The following TRPM3 variants were observed in gnomAD, a reference collection of about 807,000 sequenced individuals.
TRPM3 encodes transient receptor potential cation channel subfamily M member 3, also known as long transient receptor potential channel 3.
In TRPM3, 77 loss-of-function variants were observed where a neutral mutation model predicts 181.2. The ratio of observed to expected loss-of-function variants is 0.42; its 90% confidence interval spans 0.35 to 0.51. The LOEUF (loss-of-function observed/expected upper bound fraction) is 0.51, where lower values mean the gene tolerates loss of function less well. Among genes scored for constraint, TRPM3 ranks in the 20% least tolerant of loss-of-function variants. The pLI, the probability that TRPM3 is intolerant of heterozygous loss-of-function variation, is 0.01. For missense variants in TRPM3, 1,759 were observed against 2,196.7 expected (o/e 0.80, Z 3.98); for synonymous variants, 745 against 796.4 (o/e 0.94, Z 1.09).
chr9:71,079,942 G>A (rs547233587), intron 1 of TRPM3, among the ~76,000 whole-genome samples: 56 of 152,206 alleles, frequency 3.7e-4, no homozygotes, highest in African/African-American at 1.1e-3. Context: ...AGGCCAAGGC[G>A]GGCAGATCAC....
intron 1 of TRPM3, among the ~76,000 whole-genome samples, chr9:71,400,778 T>C (rs986269936): frequency 8.6e-5 from 13 of 151,306 alleles, no homozygotes; most frequent in Non-Finnish European, 1.9e-4. Context: ...TGGCAATGTA[T>C]TTTACTAGTT....
intron 1 of TRPM3, among the ~76,000 whole-genome samples, chr9:71,010,410 C>T (rs2097723564): frequency 6.6e-6 from 1 of 151,730 alleles, no homozygotes; most frequent in African/African-American, 2.4e-5. Flanking sequence ...AAAAACAAAA[C>T]AACAACAACA....
chr9:70,926,261 G>C (rs2096720537), intron 1 of TRPM3, among the ~76,000 whole-genome samples: 1 of 152,060 alleles, frequency 6.6e-6, no homozygotes, highest in African/African-American at 2.4e-5. Flanking sequence ...TCAGAGCAAA[G>C]TGTCCCCCAA....
intron 9 of TRPM3, among the ~76,000 whole-genome samples, chr9:70,658,388 C>T (rs2060657604): frequency 6.6e-6 from 1 of 151,880 alleles, no homozygotes; most frequent in Non-Finnish European, 1.5e-5. Context: ...TATTAGGTTC[C>T]CTAAAGTCCA....
intron 22 of TRPM3, among the ~76,000 whole-genome samples, chr9:70,562,692 A>G (rs566824326): frequency 9.2e-5 from 14 of 151,852 alleles, no homozygotes; most frequent in African/African-American, 3.4e-4. Context: ...ACTTGGTTCC[A>G]TGTTCTTCCT....
intron 1 of TRPM3, among the ~76,000 whole-genome samples, chr9:71,298,519 C>T (rs1442668107): frequency 6.6e-6 from 1 of 151,466 alleles, no homozygotes; most frequent in East Asian, 1.9e-4. Context: ...TGGTTTTATA[C>T]ATTTGTTCAG....
chr9:70,992,461 G>A (rs931977140), intron 1 of TRPM3, among the ~76,000 whole-genome samples: 1 of 152,126 alleles, frequency 6.6e-6, no homozygotes, highest in Non-Finnish European at 1.5e-5. Flanking sequence ...CTATGTGCTG[G>A]GTACTGTCTG....
Position 70,814,933 on chromosome 9 carries a change from G to A in TRPM3, c.973+12914C>T, listed in dbSNP as rs768430756. On this transcript the variant is annotated intron_variant, in intron 6 of 25. Transcript: ENST00000677713. ...TTCCTTTCCTTTTCTTTCTTTTTTC[G>A]TTATAAAAGCAATATTTTCTCATTG... 5.9e-4 allele frequency among the ~76,000 whole-genome samples: 65 copies of A among 110,608 alleles called. 1 individual carries two copies. Among genetic ancestry groups the A allele is most frequent in the Admixed American group, 4.4e-4 (4 of 9,084 alleles). The allele number at this position is 110,608 out of a possible 152,430, so 72.6% of individuals were successfully genotyped here.
chr9:71,199,783 C>T (rs2078656689), intron 1 of TRPM3, among the ~76,000 whole-genome samples: 1 of 151,118 alleles, frequency 6.6e-6, no homozygotes, highest in Admixed American at 6.6e-5. Context: ...ATTAGTCTTG[C>T]TAGCAGTCTA....
chr9:70,979,546 AC>A (rs2097342070), intron 1 of TRPM3, among the ~76,000 whole-genome samples: 1 of 152,172 alleles, frequency 6.6e-6, no homozygotes. Flanking sequence ...TACTTGCCAT[AC>A]ATAAATACTG....
At chr9:70,885,168 C>T (rs919301344) in intron 1 of TRPM3, among the ~76,000 whole-genome samples, 1 of 152,144 alleles carries the variant, frequency 6.6e-6, no homozygotes, top group Non-Finnish European at 1.5e-5. Context: ...CTTGACGGTG[C>T]CATAAGAAGT....
chr9:71,022,844 A>T (rs1249905638), intron 1 of TRPM3, among the ~76,000 whole-genome samples: 1 of 152,132 alleles, frequency 6.6e-6, no homozygotes, highest in East Asian at 1.9e-4. Flanking sequence ...ATAAAAAAAT[A>T]AATAAAATAA....
At chr9:71,176,509 AG>A (rs983296074) in intron 1 of TRPM3, among the ~76,000 whole-genome samples, 10 of 152,222 alleles carry the variant, frequency 6.6e-5, no homozygotes, top group African/African-American at 2.2e-4. Context: ...AGAGTCAGGA[AG>A]TCAAACAATT....
chr9:70,819,690 A>AAAT (rs2093003767), intron 6 of TRPM3, among the ~76,000 whole-genome samples: 1 of 152,212 alleles, frequency 6.6e-6, no homozygotes, highest in Non-Finnish European at 1.5e-5. Flanking sequence ...TGCCATGGGG[A>AAAT]AATAATCCCT....
intron 8 of TRPM3, among the ~76,000 whole-genome samples, chr9:70,688,263 C>G (rs756213146): frequency 5.3e-5 from 8 of 151,016 alleles, no homozygotes; most frequent in Non-Finnish European, 1.0e-4. Context: ...GCAGGGCATT[C>G]AAAGACTGCT....
At chr9:70,563,925 C>T (rs563048700) in intron 22 of TRPM3, among the ~76,000 whole-genome samples, 2 of 152,294 alleles carry the variant, frequency 1.3e-5, no homozygotes, top group Admixed American at 6.5e-5. Flanking sequence ...GTGGTTTTCT[C>T]TTAGGCACTT....
rs139328133 is a variant in TRPM3, at chr9:70,647,411, C to G, written c.1346-6751G>C. 1.1e-3 allele frequency among the ~76,000 whole-genome samples: 169 copies of G among 152,268 alleles called. 2 individuals carry two copies. The highest frequency in any genetic ancestry group is 3.9e-3 in the African/African-American group (162 of 41,540). Reference sequence around the variant, plus strand: ...CATACAAAAATAAATAAATGTGATTCACCACATAAACAGAACTAAAAACAA... The same window carrying G: ...CATACAAAAATAAATAAATGTGATTGACCACATAAACAGAACTAAAAACAA... On this transcript the variant is annotated intron_variant, in intron 9 of 25. Transcript: ENST00000677713.
chr9:71,297,791 G>A (rs112636497), intron 1 of TRPM3, among the ~76,000 whole-genome samples: 7 of 152,102 alleles, frequency 4.6e-5, no homozygotes, highest in Admixed American at 2.6e-4. Context: ...GCTAGTAAGC[G>A]GCAGAAGCAG....
At chr9:70,875,875 G>A (rs891900910) in intron 1 of TRPM3, among the ~76,000 whole-genome samples, 54 of 151,930 alleles carry the variant, frequency 3.6e-4, no homozygotes, top group Middle Eastern at 3.4e-3. Flanking sequence ...ATAACTCTCT[G>A]GAAATGAAAA....
Sources: gnomAD v4.1 joint callset for allele counts (sites outside exome capture counted in the v4.1 genomes callset) on GRCh38, gnomAD v4.1.1 for gene constraint, MANE v1.5 for transcripts, NCBI Gene and HGNC (gene_info 2026-07-23, HGNC 2026-07-21) for gene names.